RTL4: variants seen among roughly 807,000 people sequenced by gnomAD.
The protein encoded by RTL4 is retrotransposon Gag-like protein 4.
A neutral mutation model predicts 5.3 loss-of-function variants in RTL4; 4 were observed. The ratio of observed to expected loss-of-function variants is 0.75; its 90% CI spans 0.37 to 1.72. The LOEUF (loss-of-function observed/expected upper bound fraction) is 1.72. RTL4 is among the 40% of genes most tolerant of loss of function. The pLI is 0.04. For missense variants in RTL4, 260 were observed against 227.1 expected (o/e 1.14, Z -0.93); for synonymous variants, 98 against 87.3 (o/e 1.12, Z -0.68).
chrX:112,239,621 T>A, the RTL4 span, among the ~76,000 whole-genome samples: 1 of 111,351 alleles, frequency 9.0e-6, no homozygotes, highest in African/African-American at 3.3e-5. Flanking sequence ...CAGGGCCCAG[T>A]GGGGTGCTGA....
the RTL4 span, among the ~76,000 whole-genome samples, chrX:112,093,806 T>C: frequency 8.9e-6 from 1 of 111,985 alleles, no homozygotes; most frequent in Admixed American, 9.5e-5. Context: ...GGGATGATAT[T>C]CCAGACAAAG....
At chrX:112,360,160 A>G in the RTL4 span, among the ~76,000 whole-genome samples, 1 of 111,322 alleles carries the variant, frequency 9.0e-6, no homozygotes, top group Non-Finnish European at 1.9e-5. Flanking sequence ...TTTCACAGAT[A>G]TGGTTCTACT....
chrX:112,377,849 A>G, the RTL4 span, among the ~76,000 whole-genome samples: 6,922 of 111,610 alleles, frequency 0.062, 531 homozygotes, highest in African/African-American at 0.21. Flanking sequence ...CACAATTTAG[A>G]CCCCACGTGT....
At chrX:112,304,971 G>A in the RTL4 span, among the ~76,000 whole-genome samples, 3 of 109,672 alleles carry the variant, frequency 2.7e-5, no homozygotes, top group Non-Finnish European at 5.7e-5. Context: ...GAGAACAATA[G>A]CAAAGGCTGT....
chrX:112,291,303 TATA>T, the RTL4 span, among the ~76,000 whole-genome samples: 1 of 109,421 alleles, frequency 9.1e-6, no homozygotes, highest in Non-Finnish European at 1.9e-5. Flanking sequence ...CTGTGTCTCT[TATA>T]ATATGCATTT....
At chrX:112,394,186 G>A in the RTL4 span, among the ~76,000 whole-genome samples, 4 of 110,967 alleles carry the variant, frequency 3.6e-5, no homozygotes, top group African/African-American at 9.8e-5. Flanking sequence ...GTCACTCCGG[G>A]TGGGTTGTCT....
the RTL4 span, among the ~76,000 whole-genome samples, chrX:112,377,159 C>T: frequency 9.0e-6 from 1 of 111,671 alleles, no homozygotes; most frequent in Non-Finnish European, 1.9e-5. Flanking sequence ...ATACCTCTCA[C>T]CACTAAGAAG....
the RTL4 span, among the ~76,000 whole-genome samples, chrX:112,289,638 A>G: frequency 1.8e-5 from 2 of 111,612 alleles, no homozygotes; most frequent in Non-Finnish European, 3.8e-5. Context: ...TGTTGTGTAT[A>G]TTAAATGAGA....
the RTL4 span, among the ~76,000 whole-genome samples, chrX:112,213,742 G>GT: frequency 1.8e-5 from 2 of 110,900 alleles, no homozygotes; most frequent in African/African-American, 6.6e-5. Context: ...ATCGCCAGAA[G>GT]TTTTTTGTCT....
At chrX:112,348,324 C>T in the RTL4 span, among the ~76,000 whole-genome samples, 3 of 107,984 alleles carry the variant, frequency 2.8e-5, no homozygotes, top group African/African-American at 6.7e-5. Context: ...GTGATATGAT[C>T]GCTATACTTT....
At chrX:112,162,190 A>G in the RTL4 span, among the ~76,000 whole-genome samples, 2 of 111,005 alleles carry the variant, frequency 1.8e-5, no homozygotes, top group Non-Finnish European at 3.8e-5. Context: ...CAATAACAAC[A>G]ACAATAACAA....
At chrX:112,275,370 A>G in the RTL4 span, among the ~76,000 whole-genome samples, 1 of 111,101 alleles carries the variant, frequency 9.0e-6, no homozygotes, top group African/African-American at 3.3e-5. Flanking sequence ...GACTAGCCCT[A>G]GAGTTAACTG....
the RTL4 span, among the ~76,000 whole-genome samples, chrX:112,372,850 A>G: frequency 3.6e-5 from 4 of 111,495 alleles, no homozygotes; most frequent in African/African-American, 9.8e-5. Flanking sequence ...AGCTTATTTC[A>G]TCTTGCCTGT....
chrX:112,119,955 C>T, the RTL4 span, among the ~76,000 whole-genome samples: 13 of 112,108 alleles, frequency 1.2e-4, no homozygotes, highest in African/African-American at 2.9e-4. Context: ...GGTGGCTTTA[C>T]GTATTTTTGA....
chrX:112,188,243 A>C, the RTL4 span, among the ~76,000 whole-genome samples: 2 of 111,551 alleles, frequency 1.8e-5, no homozygotes, highest in Non-Finnish European at 1.9e-5. Flanking sequence ...CCCTCTGCTC[A>C]TAATCTCCAT....
the RTL4 span, among the ~76,000 whole-genome samples, chrX:112,434,096 G>C: frequency 9.7e-6 from 1 of 102,869 alleles, no homozygotes; most frequent in Non-Finnish European, 2.0e-5. Flanking sequence ...CTTGATCATG[G>C]TGGATAAGCT....
At chrX:112,441,396 C>A in the RTL4 span, among the ~76,000 whole-genome samples, 3 of 111,483 alleles carry the variant, frequency 2.7e-5, no homozygotes, top group Non-Finnish European at 3.8e-5. Flanking sequence ...CTTTTCCTAC[C>A]ATTTCTTAAA....
chrX:112,317,632 A>G, the RTL4 span, among the ~76,000 whole-genome samples: 1 of 111,681 alleles, frequency 9.0e-6, no homozygotes, highest in Non-Finnish European at 1.9e-5. Flanking sequence ...CACCAGGTGT[A>G]TGCAAGGAAT....
chrX:112,326,953 T>A, the RTL4 span, among the ~76,000 whole-genome samples: 1 of 111,203 alleles, frequency 9.0e-6, no homozygotes, highest in African/African-American at 3.3e-5. Flanking sequence ...GTCCTGTCTG[T>A]TAGAAGGAAA....
Sources: gnomAD v4.1 joint callset for allele counts (sites outside exome capture counted in the v4.1 genomes callset) on GRCh38, gnomAD v4.1.1 for gene constraint, MANE v1.5 for transcripts, NCBI Gene and HGNC (gene_info 2026-07-23, HGNC 2026-07-21) for gene names.